Variants in DLG2 observed in about 807,000 individuals in gnomAD.
DLG2 encodes the protein disks large homolog 2.
DLG2 carries 45 observed loss-of-function variants against 132.5 expected under a neutral mutation model. The observed-to-expected ratio is 0.34, with a 90% CI of 0.27 to 0.44. The LOEUF (loss-of-function observed/expected upper bound fraction) is 0.44. Ranked by LOEUF, DLG2 falls within the 20% of genes least tolerant of loss-of-function variation. The pLI is 1.00. For synonymous variants in DLG2, 424 were observed against 419.6 expected (o/e 1.01, Z -0.13); for missense variants, 1,045 against 1,196.9 (o/e 0.87, Z 1.87).
intron 6 of DLG2, among the ~76,000 whole-genome samples, chr11:85,046,353 G>A (rs1035844011): frequency 6.6e-6 from 1 of 151,966 alleles, no homozygotes; most frequent in African/African-American, 2.4e-5. Context: ...AAGAAATACA[G>A]TTAGATAAAT....
chr11:83,590,595 G>A (rs1371099522), intron 19 of DLG2, among the ~76,000 whole-genome samples: 1 of 151,710 alleles, frequency 6.6e-6, no homozygotes, highest in African/African-American at 2.4e-5. Flanking sequence ...AAAAGCAAGA[G>A]CAAACACATT....
At chr11:83,965,524 T>C in intron 12 of DLG2, 56 bp from the exon 13 acceptor site, 2 of 1,410,302 alleles carry the variant, frequency 1.4e-6, no homozygotes, top group Non-Finnish European at 1.9e-6. Flanking sequence ...AGAAGAAAAA[T>C]ATTCAGGCAA....
chr11:85,153,261 C>G (rs570447917), intron 5 of DLG2, among the ~76,000 whole-genome samples: 3 of 152,224 alleles, frequency 2.0e-5, no homozygotes, highest in South Asian at 4.2e-4. Flanking sequence ...TCACACTGTC[C>G]TACTTTTGAT....
chr11:83,998,312 T>C (rs894926914), intron 11 of DLG2, among the ~76,000 whole-genome samples: 4 of 152,268 alleles, frequency 2.6e-5, no homozygotes, highest in Middle Eastern at 3.4e-3. Flanking sequence ...AAATAAAAAA[T>C]ACATCAAATC....
intron 4 of DLG2, among the ~76,000 whole-genome samples, chr11:85,195,233 G>A (rs1373515150): frequency 1.3e-5 from 2 of 152,170 alleles, no homozygotes; most frequent in East Asian, 3.9e-4. Context: ...AGGCAAAGGG[G>A]AAGAGGACAT....
intron 7 of DLG2, among the ~76,000 whole-genome samples, chr11:84,287,793 G>A (rs528232248): frequency 3.6e-5 from 5 of 139,818 alleles, no homozygotes; most frequent in East Asian, 2.1e-4. Context: ...TACTTTATTC[G>A]TCTATTTCAT....
At chr11:84,329,816 G>A (rs1184415142) in intron 7 of DLG2, among the ~76,000 whole-genome samples, 1 of 152,156 alleles carries the variant, frequency 6.6e-6, no homozygotes, top group African/African-American at 2.4e-5. Flanking sequence ...TGTTTTCTAT[G>A]TTTGTGTATA....
At chr11:85,615,597 A>C (rs2081280713) in intron 2 of DLG2, among the ~76,000 whole-genome samples, 1 of 152,222 alleles carries the variant, frequency 6.6e-6, no homozygotes, top group Non-Finnish European at 1.5e-5. Flanking sequence ...TAGAAAAATA[A>C]ATAAATAAAT....
At chr11:85,389,773 T>G (rs143454832) in intron 3 of DLG2, among the ~76,000 whole-genome samples, 60 of 152,238 alleles carry the variant, frequency 3.9e-4, no homozygotes, top group African/African-American at 1.4e-3. Context: ...GCTTCATAAA[T>G]GAAGGAAAGA....
intron 6 of DLG2, among the ~76,000 whole-genome samples, chr11:84,987,247 T>A (rs1293079726): frequency 2.0e-5 from 3 of 152,084 alleles, no homozygotes; most frequent in Non-Finnish European, 2.9e-5. Flanking sequence ...AAAACACTGC[T>A]GAAAGAAATC....
At chr11:84,178,939 A>G (rs903375413) in intron 8 of DLG2, among the ~76,000 whole-genome samples, 2 of 152,100 alleles carry the variant, frequency 1.3e-5, no homozygotes, top group Non-Finnish European at 2.9e-5. Flanking sequence ...AGAGTTTTCA[A>G]AAAAATATAG....
intron 6 of DLG2, among the ~76,000 whole-genome samples, chr11:85,078,854 T>C (rs2154170675): frequency 6.6e-6 from 1 of 152,236 alleles, no homozygotes; most frequent in East Asian, 1.9e-4. Context: ...AACAAGATCC[T>C]AAATAAAATG....
At chr11:84,428,181 T>A (rs1033912646) in intron 7 of DLG2, among the ~76,000 whole-genome samples, 1 of 152,210 alleles carries the variant, frequency 6.6e-6, no homozygotes, top group Non-Finnish European at 1.5e-5. Flanking sequence ...TTAAAAAATA[T>A]ATTACCATTT....
chr11:84,938,752 C>T (rs1262173208), intron 6 of DLG2, among the ~76,000 whole-genome samples: 1 of 152,072 alleles, frequency 6.6e-6, no homozygotes, highest in East Asian at 1.9e-4. Flanking sequence ...CTAATTTTCG[C>T]CAGGGGTGTC....
chr11:83,736,929 A>G (rs899594226), intron 18 of DLG2, among the ~76,000 whole-genome samples: 4 of 151,434 alleles, frequency 2.6e-5, no homozygotes, highest in African/African-American at 9.7e-5. Flanking sequence ...AGAATTTGGG[A>G]CACTGTGGGT....
intron 6 of DLG2, among the ~76,000 whole-genome samples, chr11:84,818,915 A>G (rs1053628958): frequency 7.5e-6 from 1 of 133,670 alleles, no homozygotes; most frequent in Non-Finnish European, 1.7e-5. Flanking sequence ...TGTCATGTTC[A>G]TAATTTCCAG....
intron 11 of DLG2, among the ~76,000 whole-genome samples, chr11:84,033,893 AAAACAAAAAC>A (rs1334274577): frequency 7.7e-4 from 72 of 93,226 alleles, no homozygotes; most frequent in Admixed American, 3.2e-3. Flanking sequence ...ACAAAAAACA[AAAACAAAAAC>A]AAACAAACAA....
rs149346503 is a variant in DLG2 at position 83,472,953 on chromosome 11, A to G, written c.2294-176T>C. On this transcript the variant is annotated intron_variant, in intron 22 of 27. Transcript: ENST00000376104. ...TAAAACTCTTTAGCACCATTTTAGT[A>G]TCAGATTTTCACAGTCATAACTCTA... is the stretch of plus-strand genomic sequence containing the variant. Among the ~76,000 whole-genome samples, 695 of 152,250 alleles carry G rather than the reference A, an allele frequency of 4.6e-3. 3 individuals carry two copies. Among genetic ancestry groups the G allele is most frequent in the Non-Finnish European group, 8.1e-3 (549 of 68,002 alleles).
chr11:83,843,808 G>C (rs2058088256), intron 16 of DLG2, among the ~76,000 whole-genome samples: 1 of 152,006 alleles, frequency 6.6e-6, no homozygotes, highest in Non-Finnish European at 1.5e-5. Flanking sequence ...AAACTGAGAA[G>C]TTTTAAAGAA....
Sources: allele counts gnomAD v4.1 joint callset (sites outside exome capture counted in the v4.1 genomes callset), GRCh38; gene constraint gnomAD v4.1.1; transcripts MANE v1.5; gene names NCBI Gene and HGNC (gene_info 2026-07-23, HGNC 2026-07-21).